Variants in NIPAL2 observed in about 807,000 individuals in gnomAD.
The protein encoded by NIPAL2 is NIPA like domain containing 2.
A neutral mutation model predicts 48.9 loss-of-function variants in NIPAL2; 43 were observed. The observed-to-expected ratio is 0.88, with a 90% CI of 0.69 to 1.13. NIPAL2 has a LOEUF of 1.13. NIPAL2 is among the 50% of genes most tolerant of loss of function. The pLI is 0.00. For synonymous variants in NIPAL2, 167 were observed against 174.6 expected, an observed-to-expected ratio of 0.96 and a Z score of 0.34; for missense variants, 446 against 461.4, an observed-to-expected ratio of 0.97 and a Z score of 0.31.
intron 5 of NIPAL2, among the ~76,000 whole-genome samples, chr8:98,217,922 G>T (rs1000162314): frequency 7.9e-5 from 12 of 152,046 alleles, no homozygotes; most frequent in African/African-American, 2.9e-4. Context: ...TAAATTTGGT[G>T]TCTAACCACC....
At chr8:98,286,831 AAAAC>A (rs1324974134) in intron 1 of NIPAL2, among the ~76,000 whole-genome samples, 3,017 of 146,680 alleles carry the variant, frequency 0.021, 94 homozygotes, top group African/African-American at 0.074. Context: ...AAAAAAAAAA[AAAAC>A]CAAAAACAAA....
At chr8:98,243,887 C>T (rs768926501) in intron 3 of NIPAL2, among the ~76,000 whole-genome samples, 16 of 152,110 alleles carry the variant, frequency 1.1e-4, no homozygotes, top group Admixed American at 3.9e-4. Context: ...ACTCTCTTCC[C>T]CTAAAATAAT....
At chr8:98,209,475 A>G (rs1429330565) in intron 6 of NIPAL2, among the ~76,000 whole-genome samples, 1 of 148,372 alleles carries the variant, frequency 6.7e-6, no homozygotes, top group African/African-American at 2.5e-5. Flanking sequence ...AAAATTAGCC[A>G]GGCATGATGC....
intron 9 of NIPAL2, 96 bp downstream of exon 9, chr8:98,195,846 T>C (rs1323768169): frequency 3.8e-6 from 3 of 797,742 alleles, no homozygotes; most frequent in Non-Finnish European, 6.0e-6. Context: ...GTTTCTTATA[T>C]TATTTTCCAA....
intron 3 of NIPAL2, among the ~76,000 whole-genome samples, chr8:98,242,488 A>ATTTTTTTTTTTTTTTTTT (rs568464494): frequency 2.5e-5 from 3 of 117,766 alleles, no homozygotes; most frequent in African/African-American, 9.9e-5. Context: ...CACCTGACAG[A>ATTTTTTTTTTTTTTTTTT]TTTTTTTTTT....
intron 1 of NIPAL2, among the ~76,000 whole-genome samples, chr8:98,288,290 G>T (rs1444552076): frequency 1.1e-4 from 17 of 147,888 alleles, no homozygotes; most frequent in Admixed American, 6.8e-4. Flanking sequence ...AATATGTGGT[G>T]TTTGGTTTTT....
rs2130669091 is a variant in NIPAL2 at position 98,190,848 on chromosome 8, G to A, written c.*2130C>T. ...TCAGATGAGCTAACAGTTGGCTAAAGGTCCTCAACTCACAATGCCAAGAGA... is the reference window on the plus strand; with the variant it reads ...TCAGATGAGCTAACAGTTGGCTAAAAGTCCTCAACTCACAATGCCAAGAGA... On this transcript the variant is annotated 3_prime_UTR_variant, in exon 11 of 11. Coordinates refer to ENST00000430223, the MANE Select transcript of NIPAL2 (RefSeq NM_001321635.2). The A allele has an allele frequency of 6.6e-6, 1 of 152,294 alleles. No homozygotes were observed. Among genetic ancestry groups the A allele is most frequent in the Middle Eastern group, 3.4e-3 (1 of 294 alleles). 9.4% of individuals were successfully genotyped at this position (152,294 alleles called of 1,614,324 possible).
At chr8:98,205,941 A>G (rs866873723) in intron 6 of NIPAL2, among the ~76,000 whole-genome samples, 10 of 152,344 alleles carry the variant, frequency 6.6e-5, no homozygotes, top group Middle Eastern at 3.4e-3. Context: ...TTTATGTTCT[A>G]TGCTAAAGTG....
At chr8:98,244,234 G>C in intron 3 of NIPAL2, among the ~76,000 whole-genome samples, 1 of 148,894 alleles carries the variant, frequency 6.7e-6, no homozygotes, top group South Asian at 2.2e-4. Context: ...GTGGGCCACA[G>C]TAATAAGGGG....
At chr8:98,242,348 G>A (rs1367026914) in intron 3 of NIPAL2, among the ~76,000 whole-genome samples, 1 of 151,786 alleles carries the variant, frequency 6.6e-6, no homozygotes, top group Admixed American at 6.6e-5. Flanking sequence ...AACACGCCTG[G>A]CTAGTTTTTA....
At position 98,240,537 on chromosome 8, in the gene NIPAL2, G is replaced by A. The variant is rs566357705; in HGVS notation, c.377-4323C>T. Among the ~76,000 whole-genome samples the A allele has an allele frequency of 4.6e-5, 7 of 152,216 alleles. No individual in the cohort carries two copies. The East Asian group carries it at 7.7e-4, about 17-fold the overall frequency. On this transcript the variant is annotated intron_variant, in intron 3 of 10. Transcript: ENST00000430223. ...TACAAGCTTATCAACAAGTGATGGC[G>A]GATGGTGCTATTGCAGTTGTCCAAG...
intron 2 of NIPAL2, among the ~76,000 whole-genome samples, chr8:98,253,352 C>T (rs549214593): frequency 2.3e-4 from 35 of 152,206 alleles, no homozygotes; most frequent in Middle Eastern, 6.8e-3. Context: ...TATTTTGATG[C>T]TCAGGTTTAT....
chr8:98,286,539 T>C (rs575438857), intron 1 of NIPAL2, among the ~76,000 whole-genome samples: 3 of 152,170 alleles, frequency 2.0e-5, no homozygotes, highest in African/African-American at 4.8e-5. Flanking sequence ...CTAGGCATGG[T>C]GGCTCATACC....
intron 8 of NIPAL2, among the ~76,000 whole-genome samples, chr8:98,201,524 A>C (rs938561760): frequency 6.6e-6 from 1 of 152,104 alleles, no homozygotes; most frequent in Non-Finnish European, 1.5e-5. Context: ...AGCTGGGAAT[A>C]CAGGTCCGTG....
intron 1 of NIPAL2, among the ~76,000 whole-genome samples, chr8:98,288,533 T>C (rs1460140478): frequency 5.9e-5 from 9 of 151,558 alleles, no homozygotes. Flanking sequence ...CAGCATGATT[T>C]ATAGTCCTTT....
At chr8:98,269,563 G>A (rs1053200677) in intron 1 of NIPAL2, among the ~76,000 whole-genome samples, 1 of 152,170 alleles carries the variant, frequency 6.6e-6, no homozygotes, top group Non-Finnish European at 1.5e-5. Context: ...AGTAAACCAT[G>A]CCATAAACAG....
At chr8:98,290,949 G>A (rs1816457105) in intron 1 of NIPAL2, among the ~76,000 whole-genome samples, 1 of 152,154 alleles carries the variant, frequency 6.6e-6, no homozygotes, top group Non-Finnish European at 1.5e-5. Flanking sequence ...TTAAGTGTTG[G>A]CAATGTATTG....
At chr8:98,245,522 A>G (rs1292122706) in intron 3 of NIPAL2, among the ~76,000 whole-genome samples, 1 of 152,236 alleles carries the variant, frequency 6.6e-6, no homozygotes, top group Non-Finnish European at 1.5e-5. Context: ...TTCAGAGACA[A>G]TTTGCATAAT....
chr8:98,233,862 A>C (rs1812571418), intron 4 of NIPAL2, among the ~76,000 whole-genome samples: 1 of 152,134 alleles, frequency 6.6e-6, no homozygotes, highest in South Asian at 2.1e-4. Flanking sequence ...AACATTTCTC[A>C]TGTTATTCCC....
Sources: allele counts gnomAD v4.1 joint callset (sites outside exome capture counted in the v4.1 genomes callset), GRCh38; gene constraint gnomAD v4.1.1; transcripts MANE v1.5; gene names NCBI Gene and HGNC (gene_info 2026-07-23, HGNC 2026-07-21).